CDH6: variants seen among roughly 807,000 people sequenced by gnomAD.
CDH6 encodes the protein cadherin 6, also known as cadherin-6.
A neutral mutation model predicts 78.0 loss-of-function variants in CDH6; 31 were observed. The ratio of observed to expected loss-of-function variants is 0.40; its 90% CI spans 0.30 to 0.54. CDH6 has a LOEUF of 0.54. CDH6 is among the 20% of genes least tolerant of loss of function. The probability of loss-of-function intolerance (pLI) is 0.56; values close to 1 mark genes in which losing one functional copy is unlikely to be tolerated. For missense variants in CDH6, 724 were observed against 975.9 expected (o/e 0.74, Z 3.44); for synonymous variants, 376 against 368.8 (o/e 1.02, Z -0.23).
At chr5:31,235,236 C>CTTTTTTTTTTTTTTTTTT (rs543675071) in intron 1 of CDH6, among the ~76,000 whole-genome samples, 8 of 110,644 alleles carry the variant, frequency 7.2e-5, no homozygotes, top group African/African-American at 1.4e-4. Context: ...ATTCCTTTTT[C>CTTTTTTTTTTTTTTTTTT]TTTTTTTTTT....
At chr5:31,256,565 C>T (rs1561045228) in intron 1 of CDH6, among the ~76,000 whole-genome samples, 1 of 152,212 alleles carries the variant, frequency 6.6e-6, no homozygotes, top group Non-Finnish European at 1.5e-5. Context: ...TCTTTCCAAC[C>T]TGGCTGTCTT....
At chr5:31,202,572 G>A (rs1334090225) in intron 1 of CDH6, among the ~76,000 whole-genome samples, 1 of 151,872 alleles carries the variant, frequency 6.6e-6, no homozygotes, top group African/African-American at 2.4e-5. Flanking sequence ...GGAGGCGGAG[G>A]TTGCAGTGAG....
chr5:31,243,340 G>A (rs901613222), intron 1 of CDH6, among the ~76,000 whole-genome samples: 1 of 152,130 alleles, frequency 6.6e-6, no homozygotes, highest in Non-Finnish European at 1.5e-5. Context: ...CTTTAAGCCA[G>A]ACCACATCAG....
At chr5:31,222,832 A>G (rs149719964) in intron 1 of CDH6, among the ~76,000 whole-genome samples, 1 of 152,266 alleles carries the variant, frequency 6.6e-6, no homozygotes, top group African/African-American at 2.4e-5. Context: ...ACTATAAATT[A>G]TAGGTCATCT....
At chr5:31,293,822 G>A (rs958243008) in intron 2 of CDH6, 140 bp from the exon 3 acceptor site, 32 of 515,872 alleles carry the variant, frequency 6.2e-5, no homozygotes, top group South Asian at 1.8e-4. Context: ...AAGAGGTTAC[G>A]TAAATAGTAA....
At chr5:31,263,125 C>A (rs1742252316) in intron 1 of CDH6, among the ~76,000 whole-genome samples, 1 of 152,030 alleles carries the variant, frequency 6.6e-6, no homozygotes, top group Admixed American at 6.6e-5. Flanking sequence ...GATTTTATTT[C>A]TTAAAGTTAT....
At chr5:31,195,934 G>A (rs559678950) in intron 1 of CDH6, among the ~76,000 whole-genome samples, 1 of 152,334 alleles carries the variant, frequency 6.6e-6, no homozygotes, top group African/African-American at 2.4e-5. Flanking sequence ...TGCCAATTCA[G>A]TTCTACTGTA....
chr5:31,272,423 C>A (rs1170485615), intron 2 of CDH6, among the ~76,000 whole-genome samples: 1 of 152,114 alleles, frequency 6.6e-6, no homozygotes, highest in Non-Finnish European at 1.5e-5. Context: ...CCTTATAATT[C>A]CACATTTTCA....
chr5:31,239,846 G>A (rs1315758770), intron 1 of CDH6, among the ~76,000 whole-genome samples: 1 of 152,104 alleles, frequency 6.6e-6, no homozygotes, highest in Non-Finnish European at 1.5e-5. Context: ...CAGTTTCACC[G>A]GCCTTCACTT....
intron 1 of CDH6, among the ~76,000 whole-genome samples, chr5:31,229,336 A>G (rs992025673): frequency 1.3e-5 from 2 of 152,214 alleles, no homozygotes; most frequent in African/African-American, 4.8e-5. Flanking sequence ...TAGAAATTAA[A>G]TGTTTGGCCA....
chr5:31,270,330 G>T (rs1358616700), intron 2 of CDH6, among the ~76,000 whole-genome samples: 2 of 152,114 alleles, frequency 1.3e-5, no homozygotes, highest in African/African-American at 4.8e-5. Flanking sequence ...AACTTAATAA[G>T]AATTTTTGTT....
intron 1 of CDH6, chr5:31,250,066 TG>T (rs1438260176): frequency 1.3e-5 from 2 of 152,286 alleles, no homozygotes; most frequent in Non-Finnish European, 2.9e-5. Context: ...CAGAGTCTAC[TG>T]GGGTCTGGAT....
At chr5:31,225,500 A>C (rs998878650) in intron 1 of CDH6, among the ~76,000 whole-genome samples, 2 of 152,182 alleles carry the variant, frequency 1.3e-5, no homozygotes, top group Non-Finnish European at 2.9e-5. Flanking sequence ...CAGGCTGTAC[A>C]GGAAGCATGG....
Position 31,297,280 on chromosome 5 carries a change from T to C in CDH6, c.524-9T>C, listed in dbSNP as rs1737636378. On this transcript the variant is annotated splice_polypyrimidine_tract_variant and intron_variant, in intron 3 of 11. Transcript: ENST00000265071. ...GATGTGTTTTCAGTTTATATTTCTG[T>C]CATTACAGGTACATTTGTTGTCCAA... is the stretch of plus-strand genomic sequence containing the variant. 6.2e-7 allele frequency: 1 copy of C among 1,609,706 alleles called. No homozygotes were observed. Among genetic ancestry groups the C allele is most frequent in the Non-Finnish European group, 8.5e-7 (1 of 1,176,326 alleles).
intron 2 of CDH6, among the ~76,000 whole-genome samples, chr5:31,280,218 C>T (rs1742819626): frequency 6.6e-6 from 1 of 152,192 alleles, no homozygotes; most frequent in South Asian, 2.1e-4. Context: ...CGAGTCATCA[C>T]AGATTATCTT....
At chr5:31,313,184 C>T (rs1485254762) in intron 7 of CDH6, 134 bp from the exon 8 acceptor site, 4 of 645,470 alleles carry the variant, frequency 6.2e-6, no homozygotes, top group African/African-American at 5.5e-5. Context: ...TTCAAATATG[C>T]ACTAGAGATG....
chr5:31,289,938 CTG>C (rs1053340042), intron 2 of CDH6, among the ~76,000 whole-genome samples: 4 of 152,016 alleles, frequency 2.6e-5, no homozygotes, highest in Non-Finnish European at 5.9e-5. Context: ...ACCAAAATCC[CTG>C]TGTTTATTTG....
rs1738612910 is a variant in CDH6 at position 31,325,828 on chromosome 5, A to G, written c.*2520A>G. On this transcript the variant is annotated 3_prime_UTR_variant, in exon 12 of 12. Coordinates refer to ENST00000265071, the MANE Select transcript of CDH6 (RefSeq NM_004932.4). ...ATGAAGTAAATTTATAGGAAATTGGATAATTTGAGACTGGGGCTAAATATT... is the reference window on the plus strand; with the variant it reads ...ATGAAGTAAATTTATAGGAAATTGGGTAATTTGAGACTGGGGCTAAATATT... The G allele has an allele frequency of 4.3e-6, 1 of 231,330 alleles. No individual in the cohort carries two copies. The highest frequency in any genetic ancestry group is 6.1e-5 in the East Asian group (1 of 16,284). 14.3% of individuals were successfully genotyped at this position (231,330 alleles called of 1,614,324 possible). A position where few individuals can be genotyped will look rare whatever the true frequency, so the allele number is the denominator to read the frequency against.
chr5:31,302,648 G>A (rs1466669688), intron 6 of CDH6, among the ~76,000 whole-genome samples: 1 of 147,896 alleles, frequency 6.8e-6, no homozygotes, highest in African/African-American at 2.5e-5. Context: ...GGGCAGCAGA[G>A]GTTGCAGTGA....
Sources: gnomAD v4.1 joint callset for allele counts (sites outside exome capture counted in the v4.1 genomes callset) on GRCh38, gnomAD v4.1.1 for gene constraint, MANE v1.5 for transcripts, NCBI Gene and HGNC (gene_info 2026-07-23, HGNC 2026-07-21) for gene names.